SLC24A3: variants seen among roughly 807,000 people sequenced by gnomAD.
The protein encoded by SLC24A3 is solute carrier family 24 member 3, also known as sodium/potassium/calcium exchanger 3.
In SLC24A3, 28 loss-of-function variants were observed where a neutral mutation model predicts 75.8. That is an observed-to-expected ratio of 0.37 (90% CI 0.27 to 0.51). The LOEUF is 0.51. Among genes scored for constraint, SLC24A3 ranks in the 20% least tolerant of loss-of-function variants. The pLI is 0.94. For synonymous variants in SLC24A3, 372 were observed against 334.1 expected (o/e 1.11, Z -1.24); for missense variants, 663 against 847.8 (o/e 0.78, Z 2.71).
At chr20:19,647,414 T>C (rs2032152105) in intron 6 of SLC24A3, among the ~76,000 whole-genome samples, 1 of 152,224 alleles carries the variant, frequency 6.6e-6, no homozygotes, top group Admixed American at 6.5e-5. Flanking sequence ...AACAAATTTG[T>C]ATCAAGTACC....
At chr20:19,220,815 G>A (rs1187500839) in intron 1 of SLC24A3, among the ~76,000 whole-genome samples, 1 of 152,150 alleles carries the variant, frequency 6.6e-6, no homozygotes, top group Non-Finnish European at 1.5e-5. Context: ...GTTGTGGCCT[G>A]GGCATTGGGA....
chr20:19,662,762 G>A lies in SLC24A3; in HGVS notation c.688-3102G>A, dbSNP rs189477497. Among the ~76,000 whole-genome samples the A allele has an allele frequency of 1.6e-3, 243 of 152,352 alleles. 1 individual carries two copies. The highest frequency in any genetic ancestry group is 6.8e-3 in the Middle Eastern group (2 of 294). On this transcript the variant is annotated intron_variant, in intron 7 of 16. Transcript: ENST00000328041. ...GGGATACGCAACACGTGTCTTAAAT[G>A]TATTGAATAACATGAAATCTTTAAG... is the stretch of plus-strand genomic sequence containing the variant.
intron 3 of SLC24A3, among the ~76,000 whole-genome samples, chr20:19,570,075 G>C (rs138478686): frequency 6.6e-6 from 1 of 152,232 alleles, no homozygotes; most frequent in Admixed American, 6.5e-5. Flanking sequence ...TTAAGAAAGG[G>C]GGTTTAATTG....
chr20:19,597,372 G>C (rs1269853026), intron 6 of SLC24A3, among the ~76,000 whole-genome samples: 1 of 152,044 alleles, frequency 6.6e-6, no homozygotes, highest in Non-Finnish European at 1.5e-5. Context: ...GGGCAACAGA[G>C]TGAAATAACC....
intron 2 of SLC24A3, among the ~76,000 whole-genome samples, chr20:19,470,678 C>T (rs924655125): frequency 2.6e-5 from 4 of 152,248 alleles, no homozygotes; most frequent in African/African-American, 4.8e-5. Flanking sequence ...AGAAATTAGA[C>T]GCAGAAGAAG....
At chr20:19,281,162 G>A in intron 2 of SLC24A3, 75 bp downstream of exon 2, 3 of 1,574,336 alleles carry the variant, frequency 1.9e-6, no homozygotes, top group East Asian at 2.3e-5. Context: ...CAGCTGCTGT[G>A]TGTTTTCTTA....
At chr20:19,552,227 T>G (rs2030708115) in intron 3 of SLC24A3, among the ~76,000 whole-genome samples, 1 of 152,190 alleles carries the variant, frequency 6.6e-6, no homozygotes, top group Non-Finnish European at 1.5e-5. Flanking sequence ...CTGGTTCTTC[T>G]AAGACTCTCT....
intron 6 of SLC24A3, among the ~76,000 whole-genome samples, chr20:19,617,112 A>T (rs781549293): frequency 5.3e-5 from 8 of 152,234 alleles, no homozygotes; most frequent in African/African-American, 9.6e-5. Flanking sequence ...ACCCCAGCCT[A>T]GAAAGCAAAC....
intron 7 of SLC24A3, among the ~76,000 whole-genome samples, chr20:19,662,215 C>A (rs141963657): frequency 1.3e-5 from 2 of 152,216 alleles, no homozygotes; most frequent in African/African-American, 2.4e-5. Flanking sequence ...AGAGCCTGGC[C>A]CCCAAACAGA....
intron 6 of SLC24A3, among the ~76,000 whole-genome samples, chr20:19,641,688 T>TG (rs1359766817): frequency 6.6e-6 from 1 of 152,142 alleles, no homozygotes; most frequent in Non-Finnish European, 1.5e-5. Context: ...TTAGAATTAC[T>TG]GGGGGGTATT....
At chr20:19,358,653 A>G (rs1481793857) in intron 2 of SLC24A3, among the ~76,000 whole-genome samples, 1 of 152,208 alleles carries the variant, frequency 6.6e-6, no homozygotes, top group East Asian at 1.9e-4. Context: ...AAAATGTACT[A>G]TGTTACTCAT....
intron 2 of SLC24A3, among the ~76,000 whole-genome samples, chr20:19,453,165 G>C (rs1434990164): frequency 6.6e-6 from 1 of 152,154 alleles, no homozygotes. Flanking sequence ...GGGTGACAGA[G>C]CGAGACTCTG....
chr20:19,401,578 A>T (rs1986553120), intron 2 of SLC24A3, among the ~76,000 whole-genome samples: 1 of 152,216 alleles, frequency 6.6e-6, no homozygotes. Flanking sequence ...AGGATTTCCC[A>T]ATAGGGACTG....
chr20:19,503,885 T>C (rs1988424099), intron 2 of SLC24A3, among the ~76,000 whole-genome samples: 1 of 152,196 alleles, frequency 6.6e-6, no homozygotes, highest in South Asian at 2.1e-4. Context: ...TTTAAATGGA[T>C]TATATTCTAA....
chr20:19,684,388 G>A, intron 11 of SLC24A3, 52 bp downstream of exon 11: 1 of 1,553,140 alleles, frequency 6.4e-7, no homozygotes, highest in East Asian at 2.3e-5. Context: ...GGGAAACTCT[G>A]GGAAGGAGAG....
At chr20:19,580,625 G>A (rs1343378084) in intron 4 of SLC24A3, among the ~76,000 whole-genome samples, 1 of 152,150 alleles carries the variant, frequency 6.6e-6, no homozygotes, top group Non-Finnish European at 1.5e-5. Flanking sequence ...TGCATGCCAG[G>A]CTGAACAGCA....
chr20:19,516,941 C>T lies in SLC24A3; in HGVS notation c.348+1377C>T, dbSNP rs1245262217. On this transcript the variant is annotated intron_variant, in intron 3 of 16. Coordinates refer to ENST00000328041, the MANE Select transcript of SLC24A3 (RefSeq NM_020689.4). ...TTTATGTGTCACTTCTGGGAGGACA[C>T]TTGACCTCTTACGACCCACAGGCCA... Among the ~76,000 whole-genome samples, 7 of 152,208 alleles carry T rather than the reference C, an allele frequency of 4.6e-5. No individual in the cohort carries two copies. The East Asian group carries it at 5.8e-4, about 13-fold the overall frequency.
chr20:19,418,939 A>G (rs1784394449), intron 2 of SLC24A3, among the ~76,000 whole-genome samples: 1 of 152,182 alleles, frequency 6.6e-6, no homozygotes, highest in Admixed American at 6.5e-5. Flanking sequence ...TGAATCAGAC[A>G]TGTTTCAAAC....
chr20:19,649,482 A>G (rs2032175785), intron 6 of SLC24A3, among the ~76,000 whole-genome samples: 1 of 152,178 alleles, frequency 6.6e-6, no homozygotes, highest in Admixed American at 6.5e-5. Context: ...TTCCATATCT[A>G]CATTCCTATC....
Sources: allele counts gnomAD v4.1 joint callset (sites outside exome capture counted in the v4.1 genomes callset), GRCh38; gene constraint gnomAD v4.1.1; transcripts MANE v1.5; gene names NCBI Gene and HGNC (gene_info 2026-07-23, HGNC 2026-07-21).